The following PLEKHM2 variants were observed in gnomAD, a reference collection of about 807,000 sequenced individuals.
PLEKHM2 encodes the protein pleckstrin homology domain-containing family M member 2.
Under a neutral mutation model 116.3 loss-of-function variants are expected in PLEKHM2, and 77 were observed. The observed-to-expected ratio is 0.66, with a 90% CI of 0.55 to 0.80. PLEKHM2 has a LOEUF of 0.80. PLEKHM2 is among the 30% of genes least tolerant of loss of function. The probability of loss-of-function intolerance (pLI) is 0.00; values close to 1 mark genes in which losing one functional copy is unlikely to be tolerated. For synonymous variants in PLEKHM2, 562 were observed against 571.0 expected (o/e 0.98, Z 0.22); for missense variants, 1,183 against 1,354.9 (o/e 0.87, Z 1.99).
In PLEKHM2 at chr1:15,728,453, G is replaced by T; in HGVS notation, c.1921+96G>T. On this transcript the variant is annotated intron_variant, in intron 11 of 19. Coordinates refer to ENST00000375799, the MANE Select transcript of PLEKHM2 (RefSeq NM_015164.4). The surrounding 1 kb of genome is among the most constrained non-coding windows in gnomAD (Gnocchi z 5.9). ...CTTGCCCTCTGAGTGCCTCCCGGCT[G>T]CCTGGCATGCAGTGATGGAAAGGCA... is the stretch of plus-strand genomic sequence containing the variant. 8.4e-7 allele frequency: 1 copy of T among 1,195,794 alleles called. No homozygotes were observed. The highest frequency in any genetic ancestry group is 1.5e-5 in the African/African-American group (1 of 66,438). The allele number at this position is 1,195,794 out of a possible 1,614,324, so 74.1% of individuals were successfully genotyped here.
intron 1 of PLEKHM2, among the ~76,000 whole-genome samples, chr1:15,693,083 C>T (rs1195787494): frequency 6.6e-6 from 1 of 150,434 alleles, no homozygotes; most frequent in African/African-American, 2.5e-5. Flanking sequence ...CTCCGTTGCC[C>T]AGGCTGTAGG....
Position 15,713,626 on chromosome 1 carries a change from G to GT in PLEKHM2, c.61-2608dup, listed in dbSNP as rs1302555019. Among the ~76,000 whole-genome samples, 180 of 145,228 alleles carry GT rather than the reference G, an allele frequency of 1.2e-3. 1 individual carries two copies. Among genetic ancestry groups the GT allele is most frequent in the Non-Finnish European group, 1.6e-3 (107 of 67,426 alleles). On this transcript the variant is annotated intron_variant, in intron 1 of 19. Coordinates refer to ENST00000375799, the MANE Select transcript of PLEKHM2 (RefSeq NM_015164.4). ...ATGAATAATATTCTGTTTTTTGTTTGTTTGTTTGTTTTTTGTTTTTTGTTT... is the reference window on the plus strand; with the variant it reads ...ATGAATAATATTCTGTTTTTTGTTTGTTTTGTTTGTTTTTTGTTTTTTGTTT...
chr1:15,685,414 T>G (rs1409177697), intron 1 of PLEKHM2, among the ~76,000 whole-genome samples: 1 of 151,016 alleles, frequency 6.6e-6, no homozygotes, highest in Admixed American at 6.6e-5. Context: ...AATAATAAAT[T>G]TAAAAGAATC....
intron 1 of PLEKHM2, among the ~76,000 whole-genome samples, chr1:15,700,140 TGTG>T (rs1641082043): frequency 6.6e-6 from 1 of 152,212 alleles, no homozygotes; most frequent in African/African-American, 2.4e-5. Context: ...ACATTCCTGA[TGTG>T]GTCCCCTAAA....
At chr1:15,731,800 T>A (rs1422346517) in intron 16 of PLEKHM2, 89 bp from the exon 17 acceptor site, 1 of 1,138,998 alleles carries the variant, frequency 8.8e-7, no homozygotes, top group Non-Finnish European at 1.3e-6. Flanking sequence ...GCAGACCCTG[T>A]GCCGCACACC....
intron 1 of PLEKHM2, 88 bp downstream of exon 1, chr1:15,684,706 C>G: frequency 2.5e-6 from 1 of 398,566 alleles, no homozygotes; most frequent in Non-Finnish European, 3.3e-6. Flanking sequence ...CGGGGCCCCC[C>G]GCCCTTCCCC....
intron 1 of PLEKHM2, among the ~76,000 whole-genome samples, chr1:15,691,991 T>C (rs1237200626): frequency 3.9e-5 from 6 of 152,066 alleles, no homozygotes; most frequent in Admixed American, 2.6e-4. Flanking sequence ...CACATGCCTA[T>C]AGTCCCAGCT....
chr1:15,689,143 G>A (rs12078710), intron 1 of PLEKHM2, among the ~76,000 whole-genome samples: 6,111 of 151,790 alleles, frequency 0.04, 425 homozygotes, highest in African/African-American at 0.14. Context: ...AGCTACTCGG[G>A]AGGCTGAGGC....
chr1:15,699,639 GCCA>G (rs1641070963), intron 1 of PLEKHM2, among the ~76,000 whole-genome samples: 1 of 152,030 alleles, frequency 6.6e-6, no homozygotes, highest in African/African-American at 2.4e-5. Context: ...TGTGAATAGT[GCCA>G]CAATAAACAT....
chr1:15,729,680 C>A lies in PLEKHM2; in HGVS notation c.2076-117C>A. 2 of 876,752 alleles carry A rather than the reference C, an allele frequency of 2.3e-6. No individual in the cohort carries two copies. The highest frequency in any genetic ancestry group is 3.5e-6 in the Non-Finnish European group (2 of 566,008). 54.3% of individuals were successfully genotyped at this position (876,752 alleles called of 1,614,324 possible). A position where few individuals can be genotyped will look rare whatever the true frequency, so the allele number is the denominator to read the frequency against. On this transcript the variant is annotated intron_variant, in intron 13 of 19. Coordinates refer to ENST00000375799, the MANE Select transcript of PLEKHM2 (RefSeq NM_015164.4). The surrounding 1 kb of genome is among the most constrained non-coding windows in gnomAD (Gnocchi z 4.7). ...TGCCGCCCTGGTCACTGGGTCTAGCCAGGTCTCTCCCCCAAGTTTCTGTGA... is the reference window on the plus strand; with the variant it reads ...TGCCGCCCTGGTCACTGGGTCTAGCAAGGTCTCTCCCCCAAGTTTCTGTGA...
intron 8 of PLEKHM2, chr1:15,725,887 G>A: frequency 3.1e-6 from 1 of 320,010 alleles, no homozygotes; most frequent in South Asian, 3.9e-5. Context: ...GTTGTGGCGG[G>A]GAGTGGAGAG....
At chr1:15,730,076 G>GGGGCT (rs1162333972) in intron 14 of PLEKHM2, 147 bp downstream of exon 14, 2 of 550,228 alleles carry the variant, frequency 3.6e-6, no homozygotes, top group African/African-American at 2.2e-5. Context: ...GGGGCGGGGC[G>GGGGCT]GGGCTTTCCC....
At chr1:15,713,247 C>T (rs779243077) in intron 1 of PLEKHM2, among the ~76,000 whole-genome samples, 32 of 152,140 alleles carry the variant, frequency 2.1e-4, no homozygotes, top group Non-Finnish European at 2.9e-5. Context: ...AGCCACCACT[C>T]GTGGCATTCC....
intron 1 of PLEKHM2, 79 bp downstream of exon 1, chr1:15,684,697 G>C (rs1571010907): frequency 1.3e-6 from 1 of 795,234 alleles, no homozygotes; most frequent in Non-Finnish European, 1.7e-6. Flanking sequence ...CTCCCGGGCC[G>C]GGGCCCCCCG....
At chr1:15,733,640 G>A (rs1262098570) in intron 19 of PLEKHM2, among the ~76,000 whole-genome samples, 157 bp from the exon 20 acceptor site, 2 of 152,248 alleles carry the variant, frequency 1.3e-5, no homozygotes, top group African/African-American at 4.8e-5. Context: ...GGAAGAGCGG[G>A]AGAAACTAGC....
intron 14 of PLEKHM2, among the ~76,000 whole-genome samples, 155 bp downstream of exon 14, chr1:15,730,084 C>T (rs1557662239): frequency 6.6e-6 from 1 of 151,740 alleles, no homozygotes; most frequent in Non-Finnish European, 1.5e-5. Context: ...GCGGGGCTTT[C>T]CCACCCTGGA....
At chr1:15,698,541 CTTTCTTTCTTT>C (rs539184909) in intron 1 of PLEKHM2, among the ~76,000 whole-genome samples, 10,836 of 138,324 alleles carry the variant, frequency 0.078, 442 homozygotes, top group African/African-American at 0.14. Flanking sequence ...TTCTTTCTTT[CTTTCTTTCTTT>C]TTTTTTTTTT....
intron 8 of PLEKHM2, among the ~76,000 whole-genome samples, chr1:15,726,714 G>C (rs910665700): frequency 7.2e-5 from 11 of 152,160 alleles, no homozygotes; most frequent in African/African-American, 2.7e-4. Flanking sequence ...AGTGCAGCTA[G>C]CTCAGCTGTT....
intron 1 of PLEKHM2, among the ~76,000 whole-genome samples, chr1:15,704,726 T>C (rs1265261285): frequency 1.3e-5 from 2 of 152,268 alleles, no homozygotes; most frequent in African/African-American, 4.8e-5. Context: ...CCCATGTGCT[T>C]TCCTCATGGT....
Sources: allele counts gnomAD v4.1 joint callset (sites outside exome capture counted in the v4.1 genomes callset), GRCh38; gene constraint gnomAD v4.1.1; non-coding constraint Gnocchi (gnomAD v3.1); transcripts MANE v1.5; gene names NCBI Gene and HGNC (gene_info 2026-07-23, HGNC 2026-07-21).